The following ATP9B variants were observed in gnomAD, a reference collection of about 807,000 sequenced individuals.
The protein encoded by ATP9B is probable phospholipid-transporting ATPase IIB.
In ATP9B, 110 loss-of-function variants were observed where a neutral mutation model predicts 146.1. That is an observed-to-expected ratio of 0.75 (90% CI 0.65 to 0.88). The LOEUF is 0.88. Among genes scored for constraint, ATP9B ranks in the 40% least tolerant of loss-of-function variants. The pLI, the probability that ATP9B is intolerant of heterozygous loss-of-function variation, is 0.00. For synonymous variants in ATP9B, 604 were observed against 569.7 expected (o/e 1.06, Z -0.86); for missense variants, 1,499 against 1,496.4 (o/e 1.00, Z -0.03).
chr18:79,364,972 G>A (rs1257943706), intron 26 of ATP9B, among the ~76,000 whole-genome samples: 3 of 152,086 alleles, frequency 2.0e-5, no homozygotes, highest in African/African-American at 7.2e-5. Flanking sequence ...GGAGGCTGCA[G>A]TGAGCTGTGA....
intron 26 of ATP9B, chr18:79,372,334 C>A (rs1432025585): frequency 3.4e-6 from 1 of 294,790 alleles, no homozygotes; most frequent in East Asian, 8.2e-5. Context: ...ATGTATGTGA[C>A]ATGTTCTCCA....
intron 19 of ATP9B, among the ~76,000 whole-genome samples, chr18:79,339,254 A>ATGTCATGATCACAGTAGGAAGAG (rs2096843889): frequency 7.0e-6 from 1 of 142,698 alleles, no homozygotes; most frequent in African/African-American, 2.6e-5. Flanking sequence ...AGTAGGAAGT[A>ATGTCATGATCACAGTAGGAAGAG]TGTCATGATC....
rs566901769 is a variant in ATP9B at position 79,336,516 on chromosome 18, A to C, written c.2029-112A>C. 3.3e-6 allele frequency: 3 copies of C among 896,118 alleles called. No homozygotes were observed. In the African/African-American group the frequency reaches 5.0e-5, roughly 15 times the overall value. 55.5% of individuals were successfully genotyped at this position (896,118 alleles called of 1,614,324 possible). A position where few individuals can be genotyped will look rare whatever the true frequency, so the allele number is the denominator to read the frequency against. Reference sequence around the variant, plus strand: ...TCTGGCCTTGGTGATGAAGGTGGGCACAGGACATGAGGGCAGGGCACCAGC... The same window carrying C: ...TCTGGCCTTGGTGATGAAGGTGGGCCCAGGACATGAGGGCAGGGCACCAGC... On this transcript the variant is annotated intron_variant, in intron 17 of 29. Transcript: ENST00000426216.
intron 25 of ATP9B, among the ~76,000 whole-genome samples, chr18:79,355,943 T>C (rs2096949849): frequency 6.6e-6 from 1 of 152,092 alleles, no homozygotes; most frequent in Admixed American, 6.5e-5. Flanking sequence ...GAGAAAGGCC[T>C]CATGGGCACG....
chr18:79,131,260 G>A (rs1401719488), intron 5 of ATP9B, among the ~76,000 whole-genome samples: 1 of 152,096 alleles, frequency 6.6e-6, no homozygotes, highest in Non-Finnish European at 1.5e-5. Context: ...AAGAATGAGA[G>A]AAAATTGTAT....
chr18:79,187,754 A>C (rs531352517), intron 8 of ATP9B, among the ~76,000 whole-genome samples: 1 of 152,202 alleles, frequency 6.6e-6, no homozygotes, highest in Non-Finnish European at 1.5e-5. Context: ...TTTCATTAGC[A>C]TCAGTTGTTT....
intron 23 of ATP9B, among the ~76,000 whole-genome samples, chr18:79,346,504 G>A (rs551093008): frequency 2.3e-4 from 25 of 110,486 alleles, no homozygotes; most frequent in African/African-American, 8.7e-4. Context: ...CACACTCAGC[G>A]CACCTCAGCA....
intron 5 of ATP9B, among the ~76,000 whole-genome samples, chr18:79,142,667 A>C (rs1375816967): frequency 6.6e-6 from 1 of 152,232 alleles, no homozygotes; most frequent in African/African-American, 2.4e-5. Flanking sequence ...TTCACACGTA[A>C]TTCTAAAGAC....
chr18:79,317,121 C>CTT (rs1278000903), intron 15 of ATP9B, among the ~76,000 whole-genome samples: 3 of 152,172 alleles, frequency 2.0e-5, no homozygotes, highest in Non-Finnish European at 2.9e-5. Context: ...CCCAAAATGG[C>CTT]TTTTGACCAG....
chr18:79,076,523 T>C (rs1286342742), intron 1 of ATP9B, among the ~76,000 whole-genome samples: 1 of 152,240 alleles, frequency 6.6e-6, no homozygotes, highest in Non-Finnish European at 1.5e-5. Context: ...CTGATATCAT[T>C]TGAGTTGTTT....
chr18:79,228,637 G>T (rs943791277), intron 11 of ATP9B, among the ~76,000 whole-genome samples: 1 of 152,122 alleles, frequency 6.6e-6, no homozygotes, highest in Non-Finnish European at 1.5e-5. Flanking sequence ...AATAAATAAT[G>T]ATTTACTCAA....
At chr18:79,282,112 C>T (rs945251471) in intron 13 of ATP9B, among the ~76,000 whole-genome samples, 84 of 152,224 alleles carry the variant, frequency 5.5e-4, no homozygotes, top group African/African-American at 2.0e-3. Context: ...GACTGAACTG[C>T]GGCAACCTCA....
At chr18:79,213,021 C>T (rs1410967737) in intron 10 of ATP9B, among the ~76,000 whole-genome samples, 1 of 152,046 alleles carries the variant, frequency 6.6e-6, no homozygotes, top group Admixed American at 6.5e-5. Context: ...CACGAAAAGC[C>T]GGGAGTTCAT....
intron 9 of ATP9B, among the ~76,000 whole-genome samples, chr18:79,200,779 A>AGGGGGAGGTGGGGACTGTCGGGGTCAG (rs2095475928): frequency 7.0e-5 from 2 of 28,520 alleles, no homozygotes; most frequent in East Asian, 6.6e-4. Context: ...GTCAGAGCAG[A>AGGGGGAGGTGGGGACTGTCGGGGTCAG]AGTAGTGGTG....
chr18:79,206,291 A>C (rs1386530871), intron 9 of ATP9B, among the ~76,000 whole-genome samples: 1 of 152,214 alleles, frequency 6.6e-6, no homozygotes, highest in East Asian at 1.9e-4. Context: ...TTTTTAAAAT[A>C]TATGTTTATT....
intron 5 of ATP9B, among the ~76,000 whole-genome samples, chr18:79,127,706 T>A (rs1184843614): frequency 6.6e-6 from 1 of 152,228 alleles, no homozygotes; most frequent in African/African-American, 2.4e-5. Flanking sequence ...ATTGTTTTCA[T>A]TTATCTTGGA....
intron 17 of ATP9B, among the ~76,000 whole-genome samples, chr18:79,334,491 C>T (rs535501249): frequency 9.1e-4 from 139 of 152,190 alleles, no homozygotes; most frequent in Admixed American, 2.5e-3. Flanking sequence ...CACACCTCAC[C>T]CAGCACTTAG....
At chr18:79,233,127 A>G (rs574995380) in intron 11 of ATP9B, among the ~76,000 whole-genome samples, 1 of 152,186 alleles carries the variant, frequency 6.6e-6, no homozygotes, top group East Asian at 1.9e-4. Flanking sequence ...CCCCATCTCT[A>G]CTAAAAATAC....
chr18:79,260,041 G>A (rs1018898273), intron 12 of ATP9B, among the ~76,000 whole-genome samples: 1 of 152,112 alleles, frequency 6.6e-6, no homozygotes, highest in Non-Finnish European at 1.5e-5. Context: ...ATTCACCAAG[G>A]GTGTGTCCAG....
Sources: allele counts gnomAD v4.1 joint callset (sites outside exome capture counted in the v4.1 genomes callset), GRCh38; gene constraint gnomAD v4.1.1; transcripts MANE v1.5; gene names NCBI Gene and HGNC (gene_info 2026-07-23, HGNC 2026-07-21).